The following C14orf132 variants were observed in gnomAD, a reference collection of about 807,000 sequenced individuals.
C14orf132 encodes the protein uncharacterized protein C14orf132.
A neutral mutation model predicts 5.8 loss-of-function variants in C14orf132; 6 were observed. The observed-to-expected ratio is 1.03, with a 90% confidence interval of 0.57 to 2.04. The LOEUF is 2.04. Among genes scored for constraint, C14orf132 ranks in the 30% most tolerant of loss-of-function variants. The pLI is 0.00. For missense variants in C14orf132, 125 were observed against 115.8 expected (o/e 1.08, Z -0.37); for synonymous variants, 51 against 49.8 (o/e 1.02, Z -0.10).
At chr14:96,064,375 C>T (rs1268491848) in intron 1 of C14orf132, among the ~76,000 whole-genome samples, 4 of 148,738 alleles carry the variant, frequency 2.7e-5, no homozygotes, top group Admixed American at 6.7e-5. Flanking sequence ...CACACACACA[C>T]ACACACACAC....
At chr14:96,053,234 A>G (rs1170474674) in intron 1 of C14orf132, among the ~76,000 whole-genome samples, 2 of 152,224 alleles carry the variant, frequency 1.3e-5, no homozygotes, top group Non-Finnish European at 2.9e-5. Context: ...TCCCCGGCCC[A>G]TTTAATTCTC....
At position 96,053,799 on chromosome 14, in the gene C14orf132, C is replaced by CA. The variant is rs141313433; in HGVS notation, c.27+14279dup. On this transcript the variant is annotated intron_variant, in intron 1 of 1. Coordinates refer to ENST00000555004, the MANE Select transcript of C14orf132 (RefSeq NM_001252507.3). ...AGCAGCCCACTGTGGGAGGAGGTACCAAAAAAAGGAGGGATGTGGTCCCAC... is the reference window on the plus strand; with the variant it reads ...AGCAGCCCACTGTGGGAGGAGGTACCAAAAAAAAGGAGGGATGTGGTCCCAC... Among the ~76,000 whole-genome samples the CA allele has an allele frequency of 5.9e-3, 892 of 152,092 alleles. 8 individuals carry two copies. Among genetic ancestry groups the CA allele is most frequent in the African/African-American group, 0.021 (855 of 41,510 alleles).
intron 1 of C14orf132, among the ~76,000 whole-genome samples, chr14:96,076,856 T>C (rs771642092): frequency 5.3e-5 from 8 of 152,264 alleles, no homozygotes; most frequent in Non-Finnish European, 1.0e-4. Flanking sequence ...TCACTTTTAC[T>C]CAGTTCAGAA....
intron 1 of C14orf132, among the ~76,000 whole-genome samples, chr14:96,077,478 A>G (rs1887904733): frequency 6.6e-6 from 1 of 152,200 alleles, no homozygotes; most frequent in African/African-American, 2.4e-5. Context: ...TTATAAGAAT[A>G]GGAAATTAGG....
At chr14:96,079,660 T>C (rs1210105752) in intron 1 of C14orf132, among the ~76,000 whole-genome samples, 1 of 152,130 alleles carries the variant, frequency 6.6e-6, no homozygotes, top group Non-Finnish European at 1.5e-5. Flanking sequence ...CCAGCCTTTA[T>C]GTTTAGACCA....
At chr14:96,064,963 C>A (rs534671026) in intron 1 of C14orf132, among the ~76,000 whole-genome samples, 5 of 152,342 alleles carry the variant, frequency 3.3e-5, no homozygotes, top group Admixed American at 6.5e-5. Flanking sequence ...GGATTGTGCA[C>A]ACACATGGTG....
chr14:96,064,375 C>CAT lies in C14orf132; in HGVS notation c.28-22135_28-22134insTA, dbSNP rs1419275485. 2.1e-4 allele frequency among the ~76,000 whole-genome samples: 31 copies of CAT among 148,738 alleles called. 1 individual carries two copies. Among genetic ancestry groups the CAT allele is most frequent in the African/African-American group, 7.4e-4 (29 of 39,096 alleles). Reference sequence around the variant, plus strand: ...TAGGGTGCATATATACACACACACACACACACACACACACACACATATACA... The same window carrying CAT: ...TAGGGTGCATATATACACACACACACATACACACACACACACACACATATACA... On this transcript the variant is annotated intron_variant, in intron 1 of 1. Coordinates refer to ENST00000555004, the MANE Select transcript of C14orf132 (RefSeq NM_001252507.3).
At chr14:96,050,806 T>C (rs1169888591) in intron 1 of C14orf132, among the ~76,000 whole-genome samples, 1 of 152,218 alleles carries the variant, frequency 6.6e-6, no homozygotes, top group Non-Finnish European at 1.5e-5. Flanking sequence ...CTTCATTGTC[T>C]GATGTCCGGT....
intron 1 of C14orf132, among the ~76,000 whole-genome samples, chr14:96,065,018 T>C (rs1566829471): frequency 6.6e-6 from 1 of 152,124 alleles, no homozygotes; most frequent in Non-Finnish European, 1.5e-5. Context: ...CCTAACCCAG[T>C]GTGCTGTCTT....
At chr14:96,080,025 G>A (rs1887984785) in intron 1 of C14orf132, among the ~76,000 whole-genome samples, 1 of 152,206 alleles carries the variant, frequency 6.6e-6, no homozygotes, top group Non-Finnish European at 1.5e-5. Context: ...TAAAAATTGT[G>A]TTGTTTATTT....
chr14:96,044,657 G>A (rs1351460652), intron 1 of C14orf132, among the ~76,000 whole-genome samples: 1 of 152,166 alleles, frequency 6.6e-6, no homozygotes, highest in Non-Finnish European at 1.5e-5. Context: ...AAGGTGCTGG[G>A]GGTGGGGGTG....
rs371381526 is a variant in C14orf132 at position 96,049,653 on chromosome 14, T to TATATAGAGAG, written c.27+10127_27+10128insTATAGAGAGA. On this transcript the variant is annotated intron_variant, in intron 1 of 1. Transcript: ENST00000555004. ...ATACATATATACGTATATATATATA[T>TATATAGAGAG]AGAGAGAGAGAGAGAGAGAGTTCTG... Among the ~76,000 whole-genome samples, 141 of 82,276 alleles carry TATATAGAGAG rather than the reference T, an allele frequency of 1.7e-3. 23 individuals carry two copies. The highest frequency in any genetic ancestry group is 0.01 in the South Asian group (25 of 2,382). 54.0% of individuals were successfully genotyped at this position (82,276 alleles called of 152,430 possible). A position where few individuals can be genotyped will look rare whatever the true frequency, so the allele number is the denominator to read the frequency against.
At chr14:96,064,363 TACACAC>T (rs148402921) in intron 1 of C14orf132, among the ~76,000 whole-genome samples, 13 of 135,878 alleles carry the variant, frequency 9.6e-5, no homozygotes, top group African/African-American at 2.3e-4. Context: ...GGTGCATATA[TACACAC>T]ACACACACAC....
At chr14:96,047,587 A>G (rs1886865007) in intron 1 of C14orf132, among the ~76,000 whole-genome samples, 1 of 152,200 alleles carries the variant, frequency 6.6e-6, no homozygotes, top group Admixed American at 6.5e-5. Flanking sequence ...AACACACACA[A>G]TCTCACTGAA....
chr14:96,082,085 A>G (rs983188168), intron 1 of C14orf132, among the ~76,000 whole-genome samples: 1 of 152,192 alleles, frequency 6.6e-6, no homozygotes, highest in Non-Finnish European at 1.5e-5. Context: ...TCTTCTGCAC[A>G]GTAGCTTTTC....
At chr14:96,063,785 A>G (rs1478936074) in intron 1 of C14orf132, among the ~76,000 whole-genome samples, 3 of 152,184 alleles carry the variant, frequency 2.0e-5, no homozygotes, top group Admixed American at 6.5e-5. Flanking sequence ...TAAACAGACA[A>G]CCCACAGAGT....
chr14:96,048,443 G>A (rs1457033750), intron 1 of C14orf132, among the ~76,000 whole-genome samples: 1 of 152,188 alleles, frequency 6.6e-6, no homozygotes, highest in Non-Finnish European at 1.5e-5. Flanking sequence ...TATTCAGTAT[G>A]TAGCTTTTCA....
intron 1 of C14orf132, among the ~76,000 whole-genome samples, chr14:96,049,475 T>TGTATATATATGCATATATATAC (rs949802137): frequency 4.1e-5 from 6 of 147,070 alleles, no homozygotes; most frequent in East Asian, 2.0e-4. Flanking sequence ...TATATATATG[T>TGTATATATATGCATATATATAC]GTATATATAT....
chr14:96,052,829 G>A (rs1887068422), intron 1 of C14orf132, among the ~76,000 whole-genome samples: 1 of 152,126 alleles, frequency 6.6e-6, no homozygotes, highest in South Asian at 2.1e-4. Flanking sequence ...TCCTCTGAAC[G>A]ATTCCATGGT....
Sources: gnomAD v4.1 joint callset for allele counts (sites outside exome capture counted in the v4.1 genomes callset) on GRCh38, gnomAD v4.1.1 for gene constraint, MANE v1.5 for transcripts, NCBI Gene and HGNC (gene_info 2026-07-23, HGNC 2026-07-21) for gene names.